MAP4K3: variants seen among roughly 807,000 people sequenced by gnomAD.
MAP4K3 encodes the protein MAPK/ERK kinase kinase kinase 3.
MAP4K3 carries 94 observed loss-of-function variants against 143.5 expected under a neutral mutation model. The ratio of observed to expected loss-of-function variants is 0.65; its 90% CI spans 0.55 to 0.78. MAP4K3 has a LOEUF of 0.78. Among genes scored for constraint, MAP4K3 ranks in the 30% least tolerant of loss-of-function variants. The pLI, the probability that MAP4K3 is intolerant of heterozygous loss-of-function variation, is 0.00. For missense variants in MAP4K3, 1,077 were observed against 1,068.1 expected, an observed-to-expected ratio of 1.01 and a Z score of -0.12; for synonymous variants, 416 against 347.2, an observed-to-expected ratio of 1.20 and a Z score of -2.20.
intron 1 of MAP4K3, among the ~76,000 whole-genome samples, chr2:39,380,003 A>C (rs973714803): frequency 6.6e-6 from 1 of 152,152 alleles, no homozygotes; most frequent in Non-Finnish European, 1.5e-5. Context: ...TGAGTGGTTT[A>C]CCAAGGTCAA....
At chr2:39,375,768 C>T (rs1423432902) in intron 2 of MAP4K3, among the ~76,000 whole-genome samples, 1 of 152,154 alleles carries the variant, frequency 6.6e-6, no homozygotes, top group Non-Finnish European at 1.5e-5. Flanking sequence ...CACCTCGTCC[C>T]CAGCTCACCA....
At chr2:39,406,345 A>C (rs1351981881) in intron 1 of MAP4K3, among the ~76,000 whole-genome samples, 1 of 152,152 alleles carries the variant, frequency 6.6e-6, no homozygotes, top group Non-Finnish European at 1.5e-5. Context: ...GAACTTCCTA[A>C]ACCTAGAGAA....
chr2:39,414,606 T>C (rs1667319907), intron 1 of MAP4K3, among the ~76,000 whole-genome samples: 1 of 152,190 alleles, frequency 6.6e-6, no homozygotes, highest in South Asian at 2.1e-4. Flanking sequence ...CCGGGTGCGG[T>C]GGCTCACGCC....
intron 1 of MAP4K3, among the ~76,000 whole-genome samples, chr2:39,379,063 G>C (rs1338342329): frequency 4.6e-5 from 7 of 151,904 alleles, no homozygotes; most frequent in Non-Finnish European, 7.4e-5. Context: ...GCCATTCCCT[G>C]ATCACAGAAA....
intron 2 of MAP4K3, among the ~76,000 whole-genome samples, chr2:39,377,442 CAA>C (rs1666250127): frequency 6.6e-6 from 1 of 151,786 alleles, no homozygotes; most frequent in Non-Finnish European, 1.5e-5. Flanking sequence ...AGAGAATAAA[CAA>C]AGAGTGAGTA....
chr2:39,304,925 T>A (rs1171287948), intron 15 of MAP4K3, among the ~76,000 whole-genome samples: 1 of 152,186 alleles, frequency 6.6e-6, no homozygotes, highest in East Asian at 1.9e-4. Context: ...CCTGAAGGTA[T>A]TACGAAATTA....
intron 26 of MAP4K3, among the ~76,000 whole-genome samples, chr2:39,268,689 G>T (rs1229268136): frequency 4.0e-5 from 5 of 125,448 alleles, no homozygotes; most frequent in Non-Finnish European, 7.9e-5. Flanking sequence ...GCCCAGGCTG[G>T]AGTGCAGTGG....
intron 24 of MAP4K3, among the ~76,000 whole-genome samples, chr2:39,275,509 C>G (rs567662584): frequency 3.4e-4 from 52 of 152,254 alleles, no homozygotes; most frequent in African/African-American, 1.2e-3. Flanking sequence ...CAAAAGAGTT[C>G]TTCAAATTAG....
chr2:39,380,428 A>G (rs567775700), intron 1 of MAP4K3, among the ~76,000 whole-genome samples: 20 of 152,286 alleles, frequency 1.3e-4, no homozygotes, highest in Admixed American at 2.6e-4. Context: ...TTAAAAGTCA[A>G]TATTATCTCT....
At chr2:39,408,131 A>G (rs1667144297) in intron 1 of MAP4K3, among the ~76,000 whole-genome samples, 1 of 152,142 alleles carries the variant, frequency 6.6e-6, no homozygotes, top group Non-Finnish European at 1.5e-5. Flanking sequence ...CAAAAACAAA[A>G]AGCAAAAAAT....
intron 1 of MAP4K3, 87 bp downstream of exon 1, chr2:39,436,805 G>C: frequency 8.6e-7 from 1 of 1,165,720 alleles, no homozygotes; most frequent in Non-Finnish European, 1.3e-6. Flanking sequence ...AGCGTCTCCC[G>C]AGGACAGGCG....
At chr2:39,280,853 CAG>C (rs1407285284) in intron 22 of MAP4K3, among the ~76,000 whole-genome samples, 1 of 152,116 alleles carries the variant, frequency 6.6e-6, no homozygotes, top group Admixed American at 6.5e-5. Context: ...CCTCCAAACA[CAG>C]ACTTTTATTT....
At chr2:39,347,952 C>T (rs528174664) in intron 3 of MAP4K3, among the ~76,000 whole-genome samples, 2 of 152,018 alleles carry the variant, frequency 1.3e-5, no homozygotes, top group South Asian at 4.2e-4. Flanking sequence ...ACAAACTGTT[C>T]ATTGTTGATC....
At chr2:39,294,646 T>G (rs1270565896) in intron 16 of MAP4K3, among the ~76,000 whole-genome samples, 1 of 152,234 alleles carries the variant, frequency 6.6e-6, no homozygotes, top group Non-Finnish European at 1.5e-5. Context: ...TTTCCAGCTA[T>G]GTAAAGTAGA....
intron 1 of MAP4K3, among the ~76,000 whole-genome samples, chr2:39,395,958 TG>T (rs1237788707): frequency 6.6e-6 from 1 of 152,216 alleles, no homozygotes; most frequent in Non-Finnish European, 1.5e-5. Context: ...GTATTCATTA[TG>T]TAGAATATAT....
Position 39,288,212 on chromosome 2 carries a change from T to A in MAP4K3, c.1383A>T (p.Arg461Ser), listed in dbSNP as rs1456617184. Residue 461 changes from arginine to serine, a missense_variant, in exon 20 of 34, where the codon AGA (arginine) becomes AGT (serine). This residue lies in a region of MAP4K3 where 864 missense variants were observed against 801.2 expected (regional missense o/e 1.08). Coordinates refer to ENST00000263881, the MANE Select transcript of MAP4K3 (RefSeq NM_003618.4). ...TEDENQGTIKRCPMSGSPAKP... is the reference protein window; with the variant it reads ...TEDENQGTIKSCPMSGSPAKP... ...TTGCTGGGCTCCCTGACATGGGACA[T>A]CTCTTGATTGTTCCTTGATTTTCAT... The A allele has an allele frequency of 6.2e-7, 1 of 1,614,062 alleles. No homozygotes were observed.
At chr2:39,433,439 A>G (rs1015043665) in intron 1 of MAP4K3, among the ~76,000 whole-genome samples, 2 of 152,248 alleles carry the variant, frequency 1.3e-5, no homozygotes, top group Non-Finnish European at 2.9e-5. Context: ...GGGTAGGAAT[A>G]ATAAAAATTA....
chr2:39,347,272 C>G (rs1369448617), intron 3 of MAP4K3, among the ~76,000 whole-genome samples: 1 of 152,150 alleles, frequency 6.6e-6, no homozygotes, highest in African/African-American at 2.4e-5. Flanking sequence ...AACAAAAGCT[C>G]TCTTGCGGTA....
chr2:39,410,048 T>C (rs890522325), intron 1 of MAP4K3, among the ~76,000 whole-genome samples: 3 of 152,244 alleles, frequency 2.0e-5, no homozygotes, highest in Admixed American at 1.3e-4. Flanking sequence ...ATGCCCAACA[T>C]TTGCTTTTTC....
Sources: gnomAD v4.1 joint callset for allele counts (sites outside exome capture counted in the v4.1 genomes callset) on GRCh38, gnomAD v4.1.1 for gene constraint, gnomAD v4.1.1 regional missense constraint, MANE v1.5 for transcripts, NCBI Gene and HGNC (gene_info 2026-07-23, HGNC 2026-07-21) for gene names.